DMGDH: variants seen among roughly 807,000 people sequenced by gnomAD.
The protein encoded by DMGDH is dimethylglycine dehydrogenase, also known as dimethylglycine dehydrogenase, mitochondrial.
Under a neutral mutation model 95.2 loss-of-function variants are expected in DMGDH, and 76 were observed. The observed-to-expected ratio is 0.80, with a 90% confidence interval of 0.66 to 0.97. The LOEUF (loss-of-function observed/expected upper bound fraction) is 0.97, where lower values mean the gene tolerates loss of function less well. Among genes scored for constraint, DMGDH ranks in the 50% least tolerant of loss-of-function variants. The pLI is 0.00. For synonymous variants in DMGDH, 345 were observed against 377.6 expected, an observed-to-expected ratio of 0.91 and a Z score of 1.00; for missense variants, 987 against 1,055.0, an observed-to-expected ratio of 0.94 and a Z score of 0.89.
At chr5:79,016,518 A>G (rs975793401) in intron 14 of DMGDH, among the ~76,000 whole-genome samples, 1 of 152,214 alleles carries the variant, frequency 6.6e-6, no homozygotes, top group Non-Finnish European at 1.5e-5. Context: ...TTAAGGATAA[A>G]TATGTTAAAA....
chr5:79,015,884 C>G (rs1753723808), intron 14 of DMGDH, among the ~76,000 whole-genome samples: 1 of 152,102 alleles, frequency 6.6e-6, no homozygotes, highest in Non-Finnish European at 1.5e-5. Context: ...CAAAGTAAAA[C>G]AAACAAAATG....
At chr5:78,998,344 G>C in intron 15 of DMGDH, 47 bp from the exon 16 acceptor site, 2 of 1,560,412 alleles carry the variant, frequency 1.3e-6, no homozygotes, top group Non-Finnish European at 8.8e-7. Context: ...TCACAGCTCT[G>C]TGCTCCTCAT....
chr5:79,005,262 T>G lies in DMGDH; in HGVS notation c.2385+11A>C, dbSNP rs369624925. The G allele has an allele frequency of 8.7e-6, 14 of 1,613,246 alleles. No individual in the cohort carries two copies. The South Asian group carries it at 1.1e-4, about 13-fold the overall frequency. ...GCCACAGCCCCTGGCAGTGAGGTCC[T>G]CAGCACTCACCTTGCCATTGTACCA... On this transcript the variant is annotated intron_variant, in intron 15 of 15. Transcript: ENST00000255189.
chr5:79,000,729 T>C, intron 15 of DMGDH: 1 of 624,416 alleles, frequency 1.6e-6, no homozygotes, highest in African/African-American at 1.8e-5. Context: ...AAAGAATACT[T>C]TCACCAATAT....
chr5:79,018,612 G>C (rs1232511911), intron 14 of DMGDH, among the ~76,000 whole-genome samples: 1 of 152,078 alleles, frequency 6.6e-6, no homozygotes, highest in East Asian at 1.9e-4. Context: ...TGGTTTCACT[G>C]CTGTATCATG....
chr5:79,059,566 G>GA (rs957879630), intron 2 of DMGDH, among the ~76,000 whole-genome samples: 12 of 152,264 alleles, frequency 7.9e-5, no homozygotes, highest in African/African-American at 2.6e-4. Context: ...TCCTCATTTA[G>GA]AAAAAAATTG....
In DMGDH at chr5:79,005,331, G is replaced by T. The variant is rs767381097; in HGVS notation, c.2327C>A (p.Thr776Asn). 6.2e-7 allele frequency: 1 copy of T among 1,613,842 alleles called. No homozygotes were observed. Among genetic ancestry groups the T allele is most frequent in the Non-Finnish European group, 8.5e-7 (1 of 1,179,900 alleles). ...TGGATCAACATCATCCGTTGCCAAG[G>T]TGAGGCAGACCAGTCTTCGTTTCAG... ...KGLKRRLVCL[T>N]LATDDVDPEG... Residue 776 changes from threonine to asparagine, a missense_variant, in exon 15 of 16, where the codon ACC (threonine) becomes AAC (asparagine). Thr to Asn is a moderately conservative substitution (Grantham distance 65). Coordinates refer to ENST00000255189, the MANE Select transcript of DMGDH (RefSeq NM_013391.3).
intron 10 of DMGDH, 153 bp downstream of exon 10, chr5:79,030,676 AAAAG>A: frequency 1.3e-6 from 1 of 776,596 alleles, no homozygotes; most frequent in Non-Finnish European, 2.0e-6. Context: ...AGAAAAGAAA[AAAAG>A]AAAGTAAATA....
At chr5:79,010,573 C>T (rs1322168491) in intron 14 of DMGDH, among the ~76,000 whole-genome samples, 1 of 152,238 alleles carries the variant, frequency 6.6e-6, no homozygotes, top group Non-Finnish European at 1.5e-5. Flanking sequence ...CCCAGCCCCA[C>T]TCTGCCACCC....
At chr5:79,067,265 A>G (rs138694341) in intron 1 of DMGDH, among the ~76,000 whole-genome samples, 46 of 152,254 alleles carry the variant, frequency 3.0e-4, no homozygotes, top group Middle Eastern at 6.8e-3. Flanking sequence ...GTCTCTTTGT[A>G]TGCTGTGTGA....
rs967831947 is a variant in DMGDH, at chr5:78,998,679, G to A, written c.2386-382C>T. Among the ~76,000 whole-genome samples the A allele has an allele frequency of 9.9e-5, 15 of 152,112 alleles. 1 individual carries two copies. Among genetic ancestry groups the A allele is most frequent in the Admixed American group, 8.5e-4 (13 of 15,262 alleles). On this transcript the variant is annotated intron_variant, in intron 15 of 15. Transcript: ENST00000255189. ...AGCCTGGCCAAAATGGTGAAACCCC[G>A]TCTCTACTAAAAATACAAAAATTAG... is the stretch of plus-strand genomic sequence containing the variant.
chr5:79,059,605 A>G (rs1755139164), intron 2 of DMGDH, among the ~76,000 whole-genome samples: 1 of 152,248 alleles, frequency 6.6e-6, no homozygotes, highest in African/African-American at 2.4e-5. Flanking sequence ...TTTCTCACAT[A>G]TATGAGAGTT....
chr5:79,014,921 G>A (rs1753703684), intron 14 of DMGDH, among the ~76,000 whole-genome samples: 1 of 152,158 alleles, frequency 6.6e-6, no homozygotes, highest in Admixed American at 6.5e-5. Context: ...CCTCAAAGTT[G>A]AGGAGGTGGT....
chr5:79,006,094 G>T (rs1300160670), intron 14 of DMGDH, among the ~76,000 whole-genome samples: 2 of 146,450 alleles, frequency 1.4e-5, no homozygotes, highest in African/African-American at 2.5e-5. Flanking sequence ...CATGACAGAT[G>T]ACATTCCTAT....
chr5:79,045,741 T>G (rs756519605), intron 5 of DMGDH, among the ~76,000 whole-genome samples: 8 of 152,204 alleles, frequency 5.3e-5, no homozygotes, highest in Admixed American at 6.5e-5. Flanking sequence ...TTTATTTCTT[T>G]AGGGGTTACA....
chr5:79,035,308 T>C (rs1355308108), intron 7 of DMGDH, among the ~76,000 whole-genome samples: 5 of 152,192 alleles, frequency 3.3e-5, no homozygotes, highest in Non-Finnish European at 7.3e-5. Flanking sequence ...TGATAAGACT[T>C]GAAGGCTTAT....
At chr5:79,018,209 G>A (rs774905073) in intron 14 of DMGDH, among the ~76,000 whole-genome samples, 4 of 151,998 alleles carry the variant, frequency 2.6e-5, no homozygotes, top group African/African-American at 4.8e-5. Context: ...CACCATGCCC[G>A]GCTAATTTTT....
intron 5 of DMGDH, 56 bp from the exon 6 acceptor site, chr5:79,044,608 A>C (rs1168585581): frequency 3.2e-6 from 5 of 1,585,180 alleles, no homozygotes; most frequent in African/African-American, 1.3e-5. Context: ...CATAACTGAC[A>C]CTCATATAGC....
intron 12 of DMGDH, 143 bp downstream of exon 12, chr5:79,028,290 G>T (rs902399610): frequency 9.9e-6 from 7 of 706,210 alleles, no homozygotes; most frequent in African/African-American, 3.6e-5. Flanking sequence ...CTCCAAAGTC[G>T]CATGGACAAA....
Sources: allele counts gnomAD v4.1 joint callset (sites outside exome capture counted in the v4.1 genomes callset), GRCh38; gene constraint gnomAD v4.1.1; transcripts MANE v1.5; gene names NCBI Gene and HGNC (gene_info 2026-07-23, HGNC 2026-07-21).